TPO: variants seen among roughly 807,000 people sequenced by gnomAD.
TPO encodes thyroid microsomal antigen.
A neutral mutation model predicts 96.9 loss-of-function variants in TPO; 78 were observed. That is an observed-to-expected ratio of 0.81 (90% CI 0.67 to 0.97). The LOEUF is 0.97. Ranked by LOEUF, TPO falls within the 50% of genes least tolerant of loss-of-function variation. The probability of loss-of-function intolerance (pLI) is 0.00; values close to 1 mark genes in which losing one functional copy is unlikely to be tolerated. For synonymous variants in TPO, 547 were observed against 538.0 expected (o/e 1.02, Z -0.23); for missense variants, 1,252 against 1,274.8 (o/e 0.98, Z 0.27).
intron 9 of TPO, among the ~76,000 whole-genome samples, chr2:1,486,762 T>C (rs1671202466): frequency 6.6e-6 from 1 of 152,154 alleles, no homozygotes; most frequent in South Asian, 2.1e-4. Context: ...TGGGAGCTTC[T>C]AACCTGTCTC....
chr2:1,437,306 C>T (rs1199203758), intron 5 of TPO, among the ~76,000 whole-genome samples: 1 of 152,106 alleles, frequency 6.6e-6, no homozygotes, highest in Non-Finnish European at 1.5e-5. Flanking sequence ...CACCTAGAAG[C>T]TTTGTCACAA....
upstream of TPO, among the ~76,000 whole-genome samples, chr2:1,411,428 C>T (rs1274532240): frequency 6.6e-6 from 1 of 152,172 alleles, no homozygotes; most frequent in Non-Finnish European, 1.5e-5. Context: ...TCGGCATTTT[C>T]AAGCGTCCTT....
At chr2:1,477,674 A>G in intron 8 of TPO, 70 bp downstream of exon 8, 1 of 1,420,594 alleles carries the variant, frequency 7.0e-7, no homozygotes, top group Non-Finnish European at 9.1e-7. Context: ...GTGGGTGCGC[A>G]GCATCGTGGC....
intron 8 of TPO, among the ~76,000 whole-genome samples, chr2:1,483,200 C>T (rs115257282): frequency 2.4e-3 from 367 of 152,250 alleles, no homozygotes; most frequent in African/African-American, 8.1e-3. Context: ...TGATGAAGGG[C>T]GCAGGTTTCC....
At chr2:1,504,491 C>G (rs1673206615) in intron 14 of TPO, among the ~76,000 whole-genome samples, 1 of 152,246 alleles carries the variant, frequency 6.6e-6, no homozygotes, top group African/African-American at 2.4e-5. Flanking sequence ...AGCAGCACAG[C>G]TGCCTGCCTG....
chr2:1,503,637 G>C lies in TPO; in HGVS notation c.2387-311G>C, dbSNP rs138586248. The C allele has an allele frequency of 4.9e-3, 2,465 of 507,016 alleles. 43 individuals are homozygous for C. The highest frequency in any genetic ancestry group is 0.04 in the African/African-American group (2,123 of 52,652). 31.4% of individuals were successfully genotyped at this position (507,016 alleles called of 1,614,324 possible). A position where few individuals can be genotyped will look rare whatever the true frequency, so the allele number is the denominator to read the frequency against. On this transcript the variant is annotated intron_variant, in intron 13 of 16. Transcript: ENST00000329066. ...CTTCCTGCCCCCGTGTCCTGCACTT[G>C]GCCAAATTCCACATTCCCAGGCAGA...
intron 4 of TPO, among the ~76,000 whole-genome samples, chr2:1,435,077 G>A (rs1281351573): frequency 6.6e-6 from 1 of 152,182 alleles, no homozygotes; most frequent in African/African-American, 2.4e-5. Flanking sequence ...GGGACTACAG[G>A]CACTCACCAC....
intron 4 of TPO, 120 bp downstream of exon 4, chr2:1,433,727 T>C: frequency 8.7e-7 from 1 of 1,149,420 alleles, no homozygotes; most frequent in Non-Finnish European, 1.3e-6. Flanking sequence ...AGGATGGGAC[T>C]CCAGCTCTTT....
chr2:1,520,360 G>A (rs1456185305), intron 15 of TPO, among the ~76,000 whole-genome samples: 4 of 152,182 alleles, frequency 2.6e-5, no homozygotes. Context: ...GGAGTAGGGA[G>A]GAGAACAGAG....
chr2:1,535,525 T>TG (rs1679427473), intron 15 of TPO, among the ~76,000 whole-genome samples: 2 of 53,170 alleles, frequency 3.8e-5, no homozygotes, highest in Admixed American at 3.2e-4. Flanking sequence ...CCTCCCCAAA[T>TG]CCCCGTGTGC....
Position 1,542,761 on chromosome 2 carries a change from CTCTTG to C in TPO, c.*288_*292del. The C allele has an allele frequency of 5.5e-5, 42 of 767,734 alleles. No individual in the cohort carries two copies. The highest frequency in any genetic ancestry group is 2.0e-4 in the Admixed American group (7 of 35,254). The allele number at this position is 767,734 out of a possible 1,614,324, so 47.6% of individuals were successfully genotyped here. A position where few individuals can be genotyped will look rare whatever the true frequency, so the allele number is the denominator to read the frequency against. ...TATTTTGTGAACCCTGGAAACACCA[CTCTTG>C]CAATCCTCCTGTCTCCACCTTCTGG... On this transcript the variant is annotated 3_prime_UTR_variant, in exon 17 of 17. Transcript: ENST00000329066.
At position 1,527,680 on chromosome 2, in the gene TPO, C is replaced by T. The variant is rs1676910023; in HGVS notation, c.2618+10698C>T. Among the ~76,000 whole-genome samples, 4 of 146,728 alleles carry T rather than the reference C, an allele frequency of 2.7e-5. No individual in the cohort carries two copies. The South Asian group carries it at 9.2e-4, about 34-fold the overall frequency. On this transcript the variant is annotated intron_variant, in intron 15 of 16. Coordinates refer to ENST00000329066, the MANE Select transcript of TPO (RefSeq NM_001206744.2). ...CCAATCTGTGCAACCTCCCCAAATC[C>T]CACCCAATTGTGGGCAACCACACAA...
intron 7 of TPO, among the ~76,000 whole-genome samples, chr2:1,475,848 G>C (rs1343026185): frequency 6.6e-6 from 1 of 152,236 alleles, no homozygotes; most frequent in East Asian, 1.9e-4. Context: ...CCCCCAGCTG[G>C]CCTTGGGCTG....
chr2:1,415,337 G>A (rs1485496325), intron 2 of TPO, among the ~76,000 whole-genome samples: 15 of 141,994 alleles, frequency 1.1e-4, no homozygotes, highest in African/African-American at 4.0e-4. Context: ...CAGTCCCGGG[G>A]CCCCTGGAGC....
chr2:1,430,363 G>A (rs1366375917), intron 3 of TPO, among the ~76,000 whole-genome samples: 1 of 152,214 alleles, frequency 6.6e-6, no homozygotes, highest in Non-Finnish European at 1.5e-5. Flanking sequence ...AGGCTTAGTA[G>A]CTTCCCCTAG....
intron 15 of TPO, among the ~76,000 whole-genome samples, chr2:1,527,399 C>G (rs1410489363): frequency 6.8e-6 from 1 of 147,342 alleles, no homozygotes; most frequent in East Asian, 2.2e-4. Context: ...AAATCCCCCC[C>G]ACTGTGTGCA....
intron 1 of TPO, among the ~76,000 whole-genome samples, chr2:1,379,462 G>A (rs1358424311): frequency 2.6e-5 from 4 of 152,158 alleles, no homozygotes; most frequent in South Asian, 2.1e-4. Context: ...GGCTGATCAC[G>A]AGTCACCTTG....
Position 1,484,802 on chromosome 2 carries a change from C to G in TPO, c.1545C>G (p.Pro515=), listed in dbSNP as rs756941323. The change falls in exon 9 of 17, where the codon CCC becomes CCG. Residue 515 remains proline, a synonymous_variant. Transcript: ENST00000329066. The part of the protein sequence containing the change: ...DASFQEHPDL[P]GLWLHQAFFS... ...GCTTCCAGGAGCACCCCGACCTGCC[C>G]GGGCTGTGGCTGCACCAGGCTTTCT... 6.2e-7 allele frequency: 1 copy of G among 1,614,032 alleles called. No homozygotes were observed. The highest frequency in any genetic ancestry group is 1.1e-5 in the South Asian group (1 of 91,080).
At chr2:1,487,139 C>T (rs1389777743) in intron 9 of TPO, among the ~76,000 whole-genome samples, 2 of 152,184 alleles carry the variant, frequency 1.3e-5, no homozygotes, top group Admixed American at 6.5e-5. Flanking sequence ...CCCAGGCACC[C>T]TGGCCACTCC....
Sources: gnomAD v4.1 joint callset for allele counts (sites outside exome capture counted in the v4.1 genomes callset) on GRCh38, gnomAD v4.1.1 for gene constraint, MANE v1.5 for transcripts, NCBI Gene and HGNC (gene_info 2026-07-23, HGNC 2026-07-21) for gene names.